The following TRDMT1 variants were observed in gnomAD, a reference collection of about 807,000 sequenced individuals.
TRDMT1 encodes the protein tRNA aspartic acid methyltransferase 1.
Under a neutral mutation model 51.2 loss-of-function variants are expected in TRDMT1, and 49 were observed. The ratio of observed to expected loss-of-function variants is 0.96; its 90% CI spans 0.76 to 1.21. The LOEUF (loss-of-function observed/expected upper bound fraction) is 1.21. TRDMT1 is among the 50% of genes most tolerant of loss of function. TRDMT1 has a pLI of 0.00. For synonymous variants in TRDMT1, 187 were observed against 164.6 expected (o/e 1.14, Z -1.04); for missense variants, 534 against 462.3 (o/e 1.16, Z -1.42).
intron 6 of TRDMT1, 23 bp downstream of exon 6, chr10:17,160,282 G>T: frequency 7.1e-7 from 1 of 1,401,304 alleles, no homozygotes; most frequent in Non-Finnish European, 9.5e-7. Context: ...ATTTATATAA[G>T]CATTTATAAC....
chr10:17,199,612 A>C (rs745422742), intron 1 of TRDMT1, among the ~76,000 whole-genome samples: 2 of 152,120 alleles, frequency 1.3e-5, no homozygotes, highest in Non-Finnish European at 2.9e-5. Context: ...TGAAGAGAAG[A>C]CAGAAGCCAG....
rs566047146 is a variant in TRDMT1, at chr10:17,170,695, C to T, written c.175-1778G>A. On this transcript the variant is annotated intron_variant, in intron 2 of 10. Transcript: ENST00000377799. ...TATTCAGCCATCCTATCCAAGACCA[C>T]AGTACGCTTTCATCATTTTTCAAAT... Among the ~76,000 whole-genome samples, 5 of 152,314 alleles carry T rather than the reference C, an allele frequency of 3.3e-5. No individual in the cohort carries two copies. The South Asian group carries it at 8.3e-4, about 25-fold the overall frequency.
chr10:17,180,051 T>C (rs1843086201), intron 1 of TRDMT1, among the ~76,000 whole-genome samples: 1 of 152,194 alleles, frequency 6.6e-6, no homozygotes, highest in Admixed American at 6.5e-5. Context: ...CTTCAGATCA[T>C]CTTTTACTAC....
chr10:17,153,430 T>C (rs767671774), intron 10 of TRDMT1, 77 bp downstream of exon 10: 1 of 1,552,792 alleles, frequency 6.4e-7, no homozygotes, highest in Non-Finnish European at 8.8e-7. Flanking sequence ...TTTAGGCAAG[T>C]CCTAGACACA....
chr10:17,185,761 A>G (rs11254447), intron 1 of TRDMT1, among the ~76,000 whole-genome samples: 20,832 of 152,124 alleles, frequency 0.14, 1,525 homozygotes, highest in Admixed American at 0.17. Flanking sequence ...TTGTAGGGAC[A>G]TGGATGAAGC....
At chr10:17,176,635 T>C (rs1156978535) in intron 1 of TRDMT1, among the ~76,000 whole-genome samples, 2 of 152,184 alleles carry the variant, frequency 1.3e-5, no homozygotes, top group East Asian at 1.9e-4. Context: ...TTAAGAGAAA[T>C]GGATGTACTA....
At chr10:17,160,169 C>A in intron 6 of TRDMT1, 136 bp downstream of exon 6, 1 of 472,212 alleles carries the variant, frequency 2.1e-6, no homozygotes, top group South Asian at 6.6e-5. Context: ...AAGGAAGACC[C>A]ATAATCTAAA....
chr10:17,159,398 T>C (rs1839996889), intron 6 of TRDMT1, among the ~76,000 whole-genome samples, 169 bp from the exon 7 acceptor site: 1 of 152,186 alleles, frequency 6.6e-6, no homozygotes, highest in African/African-American at 2.4e-5. Flanking sequence ...TAGTACATTT[T>C]AAACTATTAA....
At chr10:17,197,101 G>A (rs1221625912) in intron 1 of TRDMT1, among the ~76,000 whole-genome samples, 1 of 152,078 alleles carries the variant, frequency 6.6e-6, no homozygotes, top group Non-Finnish European at 1.5e-5. Flanking sequence ...GAGATTCTGT[G>A]AGTTTCCAAA....
intron 3 of TRDMT1, among the ~76,000 whole-genome samples, chr10:17,163,499 G>T (rs1840718510): frequency 6.6e-6 from 1 of 152,088 alleles, no homozygotes; most frequent in African/African-American, 2.4e-5. Context: ...AAAGCTAGGA[G>T]AAGGCAAGAA....
intron 10 of TRDMT1, 65 bp from the exon 11 acceptor site, chr10:17,149,205 G>A: frequency 2.9e-5 from 35 of 1,225,578 alleles, no homozygotes; most frequent in Non-Finnish European, 3.7e-5. Flanking sequence ...ATGAAAGGAT[G>A]TATCCTTTAG....
In TRDMT1 at chr10:17,148,921, A is replaced by C. The variant is rs779609909; in HGVS notation, c.*119T>G. On this transcript the variant is annotated 3_prime_UTR_variant, in exon 11 of 11. Coordinates refer to ENST00000377799, the MANE Select transcript of TRDMT1 (RefSeq NM_004412.7). ...TTTAATAAAATCCAAATTTCTTAAT[A>C]AGGACAGATTAAAATAATTTAGTTA... 1 of 1,339,478 alleles carries C rather than the reference A, an allele frequency of 7.5e-7. No homozygotes were observed. Among genetic ancestry groups the C allele is most frequent in the Non-Finnish European group, 9.7e-7 (1 of 1,034,182 alleles). The allele number at this position is 1,339,478 out of a possible 1,614,324, so 83.0% of individuals were successfully genotyped here. A position where few individuals can be genotyped will look rare whatever the true frequency, so the allele number is the denominator to read the frequency against.
chr10:17,178,344 CACTATT>C (rs1842864836), intron 1 of TRDMT1, among the ~76,000 whole-genome samples: 1 of 152,094 alleles, frequency 6.6e-6, no homozygotes, highest in African/African-American at 2.4e-5. Flanking sequence ...AATGTTTTAT[CACTATT>C]AGTAAAGTAT....
At chr10:17,194,932 C>CAAAAAAAAAAAAAAAGTCAA (rs71377022) in intron 1 of TRDMT1, among the ~76,000 whole-genome samples, 1 of 99,668 alleles carries the variant, frequency 1.0e-5, no homozygotes, top group Non-Finnish European at 1.8e-5. Context: ...GAATCCGACT[C>CAAAAAAAAAAAAAAAGTCAA]AAAAAAAAAA....
chr10:17,169,493 T>C (rs1054024808), intron 2 of TRDMT1: 16 of 1,289,682 alleles, frequency 1.2e-5, no homozygotes, highest in Non-Finnish European at 1.6e-5. Context: ...ATCAAAAGAA[T>C]TCCTAATGGG....
chr10:17,200,954 A>G (rs949376346), intron 1 of TRDMT1, among the ~76,000 whole-genome samples: 1 of 152,218 alleles, frequency 6.6e-6, no homozygotes, highest in African/African-American at 2.4e-5. Flanking sequence ...TTCACGAAGT[A>G]GCCCAACGTC....
intron 10 of TRDMT1, chr10:17,150,336 A>G: frequency 1.0e-6 from 1 of 965,666 alleles, no homozygotes; most frequent in South Asian, 4.8e-5. Flanking sequence ...TCTTTTTTTA[A>G]TTGTTGAATG....
chr10:17,171,979 G>A (rs1417841597), intron 2 of TRDMT1: 2 of 166,872 alleles, frequency 1.2e-5, no homozygotes, highest in Non-Finnish European at 2.9e-5. Context: ...TATTTATCAC[G>A]GATCACTCTG....
At chr10:17,191,679 C>T (rs1354553182) in intron 1 of TRDMT1, among the ~76,000 whole-genome samples, 1 of 152,134 alleles carries the variant, frequency 6.6e-6, no homozygotes, top group East Asian at 1.9e-4. Context: ...GCTACTGGGT[C>T]TGAAATAGCA....
Sources: allele counts gnomAD v4.1 joint callset (sites outside exome capture counted in the v4.1 genomes callset), GRCh38; gene constraint gnomAD v4.1.1; transcripts MANE v1.5; gene names NCBI Gene and HGNC (gene_info 2026-07-23, HGNC 2026-07-21).